SIPA1L1: variants seen among roughly 807,000 people sequenced by gnomAD.
SIPA1L1 encodes signal induced proliferation associated 1 like 1, also known as signal-induced proliferation-associated 1-like protein 1.
Under a neutral mutation model 162.7 loss-of-function variants are expected in SIPA1L1, and 26 were observed. The ratio of observed to expected loss-of-function variants is 0.16; its 90% CI spans 0.12 to 0.22. The LOEUF is 0.22. SIPA1L1 is among the 10% of genes least tolerant of loss of function. SIPA1L1 has a pLI of 1.00. For missense variants in SIPA1L1, 1,874 were observed against 2,241.0 expected (o/e 0.84, Z 3.31); for synonymous variants, 829 against 837.4 (o/e 0.99, Z 0.17).
intron 4 of SIPA1L1, among the ~76,000 whole-genome samples, chr14:71,529,699 G>A (rs540280799): frequency 4.6e-5 from 7 of 152,274 alleles, no homozygotes; most frequent in South Asian, 2.1e-4. Context: ...ACTGCAGCTC[G>A]CCCTGATTAG....
chr14:71,576,294 T>TA (rs918670701), intron 4 of SIPA1L1, among the ~76,000 whole-genome samples: 3 of 152,240 alleles, frequency 2.0e-5, no homozygotes, highest in Non-Finnish European at 2.9e-5. Flanking sequence ...CAGTCTCGTC[T>TA]AAGCTGCTGG....
At chr14:71,710,286 C>T (rs1348622858) in intron 17 of SIPA1L1, among the ~76,000 whole-genome samples, 1 of 152,210 alleles carries the variant, frequency 6.6e-6, no homozygotes, top group Non-Finnish European at 1.5e-5. Flanking sequence ...TTGGAGATCA[C>T]ACCTCTAGAT....
intron 8 of SIPA1L1, among the ~76,000 whole-genome samples, chr14:71,653,387 C>T (rs1431566441): frequency 6.6e-6 from 1 of 152,186 alleles, no homozygotes; most frequent in Non-Finnish European, 1.5e-5. Context: ...ATGCAGCTTA[C>T]TGTCCAACTC....
rs1595138077 is a variant in SIPA1L1, at chr14:71,383,563, C to A, written c.-465+62382C>A. Reference sequence around the variant, plus strand: ...CTGGGTAATTTATAAAGAAAAGGGGCTTAATTAGCTCATGGTTCTGCAAGC... The same window carrying A: ...CTGGGTAATTTATAAAGAAAAGGGGATTAATTAGCTCATGGTTCTGCAAGC... On this transcript the variant is annotated intron_variant, in intron 2 of 23. Transcript: ENST00000381232. 3.3e-5 allele frequency among the ~76,000 whole-genome samples: 5 copies of A among 152,188 alleles called. No individual in the cohort carries two copies. In the South Asian group the frequency reaches 1.0e-3, roughly 32 times the overall value.
chr14:71,724,075 A>C (rs1457207349), intron 18 of SIPA1L1, among the ~76,000 whole-genome samples, 189 bp downstream of exon 18: 2 of 152,188 alleles, frequency 1.3e-5, no homozygotes, highest in Non-Finnish European at 2.9e-5. Flanking sequence ...CTCATTCCTT[A>C]AATAAGATTT....
intron 10 of SIPA1L1, among the ~76,000 whole-genome samples, 192 bp downstream of exon 10, chr14:71,661,659 T>G (rs920804803): frequency 6.6e-6 from 1 of 152,194 alleles, no homozygotes; most frequent in Non-Finnish European, 1.5e-5. Context: ...CCCAAGCATG[T>G]TGGTTAGACA....
chr14:71,713,879 TG>T (rs1369162806), intron 17 of SIPA1L1, among the ~76,000 whole-genome samples: 1 of 152,086 alleles, frequency 6.6e-6, no homozygotes, highest in East Asian at 1.9e-4. Context: ...TGCCTGGAAA[TG>T]TTTTTTTTTT....
In SIPA1L1 at chr14:71,671,362, G is replaced by A. The variant is rs750154331; in HGVS notation, c.2499G>A (p.Pro833=). The change falls in exon 11 of 24, where the codon CCG becomes CCA. Residue 833 remains proline (P), a synonymous_variant. Transcript: ENST00000381232. ...NTPIDPSGKF[P]FISLASKKKE... is the part of the protein sequence containing the mutation. ...CTATCGACCCTTCTGGCAAGTTTCC[G>A]TTCATCTCTCTGGCTTCCAAGAAGA... The A allele has an allele frequency of 1.3e-5, 21 of 1,614,050 alleles. No individual in the cohort carries two copies. Among genetic ancestry groups the A allele is most frequent in the East Asian group, 8.9e-5 (4 of 44,900 alleles).
chr14:71,405,370 A>G (rs1471267851), intron 2 of SIPA1L1, among the ~76,000 whole-genome samples: 1 of 152,212 alleles, frequency 6.6e-6, no homozygotes, highest in African/African-American at 2.4e-5. Context: ...GAGGTTCCAG[A>G]TGAAATTGAA....
chr14:71,671,629 ATG>A lies in SIPA1L1; in HGVS notation c.2770_2771del (p.Val924PhefsTer4). 6.2e-7 allele frequency: 1 copy of A among 1,614,046 alleles called. No individual in the cohort carries two copies. The highest frequency in any genetic ancestry group is 8.5e-7 in the Non-Finnish European group (1 of 1,179,958). On this transcript the variant is annotated frameshift_variant, in exon 11 of 24. Transcript: ENST00000381232. LOFTEE classifies it high-confidence loss of function. ...TCAAAATCTTCTATGAACGAGGAGA[ATG>A]TGTTTCAGTGGGTAGTTTTATTAAC... ...SLKIFYERGE[C>X]VSVGSFINIE...
intron 2 of SIPA1L1, among the ~76,000 whole-genome samples, chr14:71,476,240 G>A (rs2047837531): frequency 6.6e-6 from 1 of 152,216 alleles, no homozygotes; most frequent in Non-Finnish European, 1.5e-5. Flanking sequence ...GGCCTGGATT[G>A]TAGTGGACAA....
intron 11 of SIPA1L1, among the ~76,000 whole-genome samples, chr14:71,671,901 CTGTGTGTGTGTGTG>C (rs34919280): frequency 9.7e-4 from 138 of 142,696 alleles, no homozygotes; most frequent in East Asian, 3.6e-3. Flanking sequence ...CACATTTACT[CTGTGTGTGTGTGTG>C]TGTGTGTGTG....
At chr14:71,603,920 A>AATATATATATATTTATATATCTATATAT in intron 5 of SIPA1L1, among the ~76,000 whole-genome samples, 1 of 141,334 alleles carries the variant, frequency 7.1e-6, no homozygotes, top group South Asian at 2.2e-4. Context: ...GATATATATA[A>AATATATATATATTTATATATCTATATAT]ATATATATAT....
chr14:71,375,734 A>G (rs2039314507), intron 2 of SIPA1L1, among the ~76,000 whole-genome samples: 1 of 152,154 alleles, frequency 6.6e-6, no homozygotes, highest in Non-Finnish European at 1.5e-5. Context: ...GTTATTTGAT[A>G]AAGTTCTTTA....
rs2082346733 is a variant in SIPA1L1, at chr14:71,705,109, C to G, written c.3647-113C>G. ...TCTTAACAAGCTTACTGCTGAAATGCAGAGTTTGCTGGTCAGTGAACTGAA... is the reference window on the plus strand; with the variant it reads ...TCTTAACAAGCTTACTGCTGAAATGGAGAGTTTGCTGGTCAGTGAACTGAA... On this transcript the variant is annotated intron_variant, in intron 15 of 23. Transcript: ENST00000381232. 5 of 766,044 alleles carry G rather than the reference C, an allele frequency of 6.5e-6. No homozygotes were observed. In the Admixed American group the frequency reaches 8.2e-5, roughly 13 times the overall value. 47.5% of individuals were successfully genotyped at this position (766,044 alleles called of 1,614,324 possible).
intron 10 of SIPA1L1, 145 bp downstream of exon 10, chr14:71,661,612 A>T: frequency 1.2e-6 from 1 of 824,432 alleles, no homozygotes. Context: ...GGATGGCTGA[A>T]TTCACATGAT....
rs747417273 is a variant in SIPA1L1, at chr14:71,709,286, A to C, written c.3830A>C (p.His1277Pro). Residue 1277 changes from histidine (H) to proline (P), a missense_variant, in exon 17 of 24, where the codon CAT (histidine) becomes CCT (proline). Around this residue, in one of 5 missense-constraint regions of SIPA1L1, gnomAD observed 936 missense variants for 1,051.9 expected, o/e 0.89. Transcript: ENST00000381232. ...CTCTCCAGCAATGCGTCAAGTGCCC[A>C]TAGTGATGAGAAGTGGTACGATGGG... ...NTLSSNASSA[H>P]SDEKWYDGDR... The C allele has an allele frequency of 6.2e-7, 1 of 1,614,220 alleles. No homozygotes were observed.
intron 4 of SIPA1L1, among the ~76,000 whole-genome samples, chr14:71,585,288 C>T (rs563779799): frequency 2.3e-4 from 35 of 152,048 alleles, no homozygotes; most frequent in African/African-American, 8.2e-4. Flanking sequence ...GCCATTAAAA[C>T]GTGGCTTCTC....
chr14:71,424,308 G>T (rs2043402813), intron 2 of SIPA1L1, among the ~76,000 whole-genome samples: 1 of 152,006 alleles, frequency 6.6e-6, no homozygotes, highest in Non-Finnish European at 1.5e-5. Flanking sequence ...CCTGTACTAG[G>T]TTGAATAGAA....
Sources: allele counts gnomAD v4.1 joint callset (sites outside exome capture counted in the v4.1 genomes callset), GRCh38; gene constraint gnomAD v4.1.1; regional missense constraint gnomAD v4.1.1; transcripts MANE v1.5; gene names NCBI Gene and HGNC (gene_info 2026-07-23, HGNC 2026-07-21).